DLG1: variants seen among roughly 807,000 people sequenced by gnomAD.
DLG1 encodes the protein discs large MAGUK scaffold protein 1, also known as disks large homolog 1.
In DLG1, 42 loss-of-function variants were observed where a neutral mutation model predicts 123.4. The observed-to-expected ratio is 0.34, with a 90% CI of 0.27 to 0.44. The LOEUF is 0.44. Among genes scored for constraint, DLG1 ranks in the 20% least tolerant of loss-of-function variants. DLG1 has a pLI of 1.00. For synonymous variants in DLG1, 317 were observed against 356.2 expected (o/e 0.89, Z 1.24); for missense variants, 942 against 1,082.6 (o/e 0.87, Z 1.82).
At position 197,298,544 on chromosome 3, in the gene DLG1, C is replaced by A. The variant is rs1259009004; in HGVS notation, c.-40G>T. ...ATCCAAGGCGCACATACCGAGACAC[C>A]CCTCAACCTCACTCAGCAGTGCCGT... On this transcript the variant is annotated 5_prime_UTR_variant, in exon 1 of 25. Coordinates refer to ENST00000667157, the MANE Select transcript of DLG1 (RefSeq NM_001366207.1). 5.0e-6 allele frequency: 2 copies of A among 398,720 alleles called. No individual in the cohort carries two copies. Among genetic ancestry groups the A allele is most frequent in the Admixed American group, 8.8e-5 (2 of 22,746 alleles). The allele number at this position is 398,720 out of a possible 1,614,324, so 24.7% of individuals were successfully genotyped here. A position where few individuals can be genotyped will look rare whatever the true frequency, so the allele number is the denominator to read the frequency against.
chr3:197,062,050 G>C (rs572792672), intron 22 of DLG1, among the ~76,000 whole-genome samples: 4 of 152,150 alleles, frequency 2.6e-5, no homozygotes, highest in African/African-American at 4.8e-5. Context: ...TTAGTAGACA[G>C]TCCAAAGCGT....
At chr3:197,185,723 A>G (rs1160603584) in intron 5 of DLG1, among the ~76,000 whole-genome samples, 1 of 152,190 alleles carries the variant, frequency 6.6e-6, no homozygotes, top group Non-Finnish European at 1.5e-5. Context: ...GTCTGATGAA[A>G]ACTTCAAGGG....
rs542602368 is a variant in DLG1 at position 197,105,611 on chromosome 3, A to T, written c.1444-606T>A. Reference sequence around the variant, plus strand: ...TTAAGAGCCCTTCCTTAGGTGAAATAATTATCCAATTCTACCAGTAGGTAC... The same window carrying T: ...TTAAGAGCCCTTCCTTAGGTGAAATTATTATCCAATTCTACCAGTAGGTAC... On this transcript the variant is annotated intron_variant, in intron 13 of 24. Transcript: ENST00000667157. Among the ~76,000 whole-genome samples the T allele has an allele frequency of 2.0e-5, 3 of 152,330 alleles. No homozygotes were observed. In the East Asian group the frequency reaches 5.8e-4, roughly 29 times the overall value.
At chr3:197,100,952 G>T (rs1454191426) in intron 14 of DLG1, among the ~76,000 whole-genome samples, 3 of 152,008 alleles carry the variant, frequency 2.0e-5, no homozygotes, top group Non-Finnish European at 2.9e-5. Context: ...AGAAATGTAC[G>T]TTTTTCTAAT....
chr3:197,212,132 T>C (rs1731559334), intron 4 of DLG1, among the ~76,000 whole-genome samples: 1 of 146,296 alleles, frequency 6.8e-6, no homozygotes, highest in African/African-American at 2.4e-5. Flanking sequence ...AGGTAACTAC[T>C]GGGTACTGGG....
chr3:197,174,885 G>C (rs1488485606), intron 5 of DLG1, among the ~76,000 whole-genome samples: 3 of 152,128 alleles, frequency 2.0e-5, no homozygotes, highest in African/African-American at 7.2e-5. Flanking sequence ...GCAATCATTT[G>C]GTTCCACTCT....
chr3:197,069,470 G>A (rs1285640646), intron 18 of DLG1: 1 of 377,250 alleles, frequency 2.7e-6, no homozygotes, highest in Admixed American at 4.5e-5. Flanking sequence ...CCTTATTTTT[G>A]TACAACACAG....
intron 5 of DLG1, among the ~76,000 whole-genome samples, chr3:197,166,692 C>T (rs570276683): frequency 6.4e-4 from 97 of 152,068 alleles, no homozygotes; most frequent in Non-Finnish European, 1.2e-3. Context: ...GAGTTTGAGA[C>T]CAGCCTGGCC....
At chr3:197,198,487 C>CAAAAAAAAA in intron 4 of DLG1, among the ~76,000 whole-genome samples, 1 of 109,648 alleles carries the variant, frequency 9.1e-6, no homozygotes, top group East Asian at 2.6e-4. Flanking sequence ...ACTCAGTCTC[C>CAAAAAAAAA]AAAAAAAAAA....
At chr3:197,133,047 G>A (rs544248808) in intron 10 of DLG1, among the ~76,000 whole-genome samples, 2 of 151,972 alleles carry the variant, frequency 1.3e-5, no homozygotes, top group African/African-American at 4.8e-5. Flanking sequence ...ATATTAAATA[G>A]CTGTGGTATA....
intron 11 of DLG1, among the ~76,000 whole-genome samples, chr3:197,124,553 C>G (rs751493224): frequency 1.3e-5 from 2 of 151,962 alleles, no homozygotes; most frequent in Admixed American, 1.3e-4. Flanking sequence ...GGATTACAGG[C>G]GTGAGCCACC....
chr3:197,137,580 T>C (rs1785653969), intron 9 of DLG1, among the ~76,000 whole-genome samples: 1 of 152,186 alleles, frequency 6.6e-6, no homozygotes, highest in South Asian at 2.1e-4. Flanking sequence ...CTTAAAAACA[T>C]GCTGAGCAAA....
chr3:197,185,948 C>G (rs1184467168), intron 5 of DLG1, among the ~76,000 whole-genome samples: 4 of 152,094 alleles, frequency 2.6e-5, no homozygotes, highest in African/African-American at 7.2e-5. Context: ...CCCTACAGAG[C>G]CAAAGAACTT....
In DLG1 at chr3:197,297,902, G is replaced by A. The variant is rs982826571; in HGVS notation, c.-32+634C>T. 13 of 982,816 alleles carry A rather than the reference G, an allele frequency of 1.3e-5. No individual in the cohort carries two copies. The African/African-American group carries it at 1.8e-4, about 13-fold the overall frequency. 60.9% of individuals were successfully genotyped at this position (982,816 alleles called of 1,614,324 possible). ...CGCTCCACGTACCCCCGCCCCGCCC[G>A]GGGCCCGCGGAGCCGAGCGGAGGGG... is the stretch of plus-strand genomic sequence containing the variant. On this transcript the variant is annotated intron_variant, in intron 1 of 24. Transcript: ENST00000667157.
At chr3:197,288,743 A>AAAACATACATACATAC (rs1553827364) in intron 3 of DLG1, among the ~76,000 whole-genome samples, 36 of 72,102 alleles carry the variant, frequency 5.0e-4, no homozygotes, top group Non-Finnish European at 7.0e-4. Context: ...AAAAAAAAAA[A>AAAACATACATACATAC]ATACATACAT....
At chr3:197,068,364 C>G in intron 19 of DLG1, 1 of 624,306 alleles carries the variant, frequency 1.6e-6, no homozygotes, top group Non-Finnish European at 2.7e-6. Context: ...TGCTGAAATA[C>G]AGGAAATCAT....
intron 4 of DLG1, among the ~76,000 whole-genome samples, chr3:197,278,307 A>G (rs1579238609): frequency 1.3e-5 from 2 of 149,098 alleles, no homozygotes; most frequent in African/African-American, 5.0e-5. Context: ...AAAAAAAAAA[A>G]AAAAGAAATG....
intron 4 of DLG1, among the ~76,000 whole-genome samples, chr3:197,204,002 G>A (rs1227283703): frequency 6.6e-6 from 1 of 152,178 alleles, no homozygotes; most frequent in Admixed American, 6.5e-5. Flanking sequence ...CCCGGTGTAG[G>A]TGCTTGTCTT....
intron 4 of DLG1, among the ~76,000 whole-genome samples, chr3:197,280,156 C>G (rs1230691942): frequency 6.6e-6 from 1 of 152,274 alleles, no homozygotes; most frequent in East Asian, 1.9e-4. Flanking sequence ...CCTTCCCAGT[C>G]TCTGGTAACT....
Sources: gnomAD v4.1 joint callset for allele counts (sites outside exome capture counted in the v4.1 genomes callset) on GRCh38, gnomAD v4.1.1 for gene constraint, MANE v1.5 for transcripts, NCBI Gene and HGNC (gene_info 2026-07-23, HGNC 2026-07-21) for gene names.